The following AK8 variants were observed in gnomAD, a reference collection of about 807,000 sequenced individuals.
AK8 encodes ATP-AMP transphosphorylase 8.
A neutral mutation model predicts 54.6 loss-of-function variants in AK8; 44 were observed. The observed-to-expected ratio is 0.81, with a 90% CI of 0.63 to 1.04. The LOEUF (loss-of-function observed/expected upper bound fraction) is 1.04. Ranked by LOEUF, AK8 falls within the 50% of genes least tolerant of loss-of-function variation. The probability of loss-of-function intolerance (pLI) is 0.00; values close to 1 mark genes in which losing one functional copy is unlikely to be tolerated. For missense variants in AK8, 555 were observed against 613.6 expected, an observed-to-expected ratio of 0.90 and a Z score of 1.01; for synonymous variants, 239 against 245.6, an observed-to-expected ratio of 0.97 and a Z score of 0.25.
chr9:132,826,801 C>T lies in AK8; in HGVS notation c.757+53G>A. The T allele has an allele frequency of 1.3e-5, 20 of 1,576,622 alleles. No homozygotes were observed. The highest frequency in any genetic ancestry group is 6.7e-5 in the East Asian group (3 of 44,698). Reference sequence around the variant, plus strand: ...AGGGACAAAGTGGTAGAAGGCACAGCGAGCCCCGCCCTTGGCCGTCTGTCC... The same window carrying T: ...AGGGACAAAGTGGTAGAAGGCACAGTGAGCCCCGCCCTTGGCCGTCTGTCC... On this transcript the variant is annotated intron_variant, in intron 8 of 12. Transcript: ENST00000298545. This position sits in a 1 kb window ranked among gnomAD's most constrained non-coding sequence, Gnocchi z 4.5.
At chr9:132,858,647 C>T (rs959185227) in intron 4 of AK8, among the ~76,000 whole-genome samples, 17 of 152,212 alleles carry the variant, frequency 1.1e-4, no homozygotes, top group African/African-American at 4.1e-4. Context: ...CTTGAGCTCC[C>T]CTCAGAACTG....
At chr9:132,867,568 T>C (rs1204226079) in intron 2 of AK8, among the ~76,000 whole-genome samples, 1 of 152,228 alleles carries the variant, frequency 6.6e-6, no homozygotes, top group Non-Finnish European at 1.5e-5. Flanking sequence ...AAGAGTGTGA[T>C]ATGAACCACA....
chr9:132,749,583 A>G (rs990860781), intron 11 of AK8, among the ~76,000 whole-genome samples: 1 of 151,764 alleles, frequency 6.6e-6, no homozygotes, highest in Non-Finnish European at 1.5e-5. Flanking sequence ...TCGGCTGGTG[A>G]GTGACCCAGA....
At chr9:132,728,628 C>G (rs993436244) in intron 11 of AK8, among the ~76,000 whole-genome samples, 1 of 152,168 alleles carries the variant, frequency 6.6e-6, no homozygotes, top group African/African-American at 2.4e-5. Context: ...CCTGGGAGTT[C>G]AGGCTCCCTG....
rs373698497 is a variant in AK8, at chr9:132,802,874, G to A, written c.980-10099C>T. The stretch of plus-strand genomic sequence containing the variant: ...AAATCAGGAGCATAATAAACTCAGC[G>A]TCATTTTATGCCATTAAATTGGGGG... On this transcript the variant is annotated intron_variant, in intron 10 of 12. Transcript: ENST00000298545. 1.2e-3 allele frequency among the ~76,000 whole-genome samples: 190 copies of A among 152,272 alleles called. 4 individuals carry two copies. The South Asian group carries it at 0.018, about 15-fold the overall frequency.
chr9:132,800,635 G>A (rs913486315), intron 10 of AK8, among the ~76,000 whole-genome samples: 14 of 152,144 alleles, frequency 9.2e-5, no homozygotes, highest in South Asian at 4.1e-4. Flanking sequence ...GCTTAACAAC[G>A]TTTAAAATTG....
intron 11 of AK8, among the ~76,000 whole-genome samples, chr9:132,774,369 G>C (rs1839115590): frequency 6.6e-6 from 1 of 152,114 alleles, no homozygotes; most frequent in South Asian, 2.1e-4. Context: ...TTCTATTTGT[G>C]GAAGACTTTT....
At chr9:132,796,860 C>T (rs940949015) in intron 10 of AK8, among the ~76,000 whole-genome samples, 1 of 151,586 alleles carries the variant, frequency 6.6e-6, no homozygotes, top group East Asian at 1.9e-4. Context: ...CTCCATGAAT[C>T]GGACTCAAGC....
At position 132,875,178 on chromosome 9, in the gene AK8, T is replaced by A; in HGVS notation, c.106A>T (p.Ile36Phe). ...GGGATGGGATCTTCGGGCTGGTGGA[T>A]CAGGAGTTGCTCCAGCATGTTCTGT... ...LMQNMLEQLL[I>F]HQPEDPIPFM... The change falls in exon 2 of 13, where the codon ATC becomes TTC. Residue 36 changes from isoleucine to phenylalanine, a missense_variant. Physicochemically the swap from Ile to Phe is conservative, Grantham distance 21 (BLOSUM62 0). Transcript: ENST00000298545. 1.9e-6 allele frequency: 3 copies of A among 1,614,118 alleles called. No individual in the cohort carries two copies. The highest frequency in any genetic ancestry group is 2.5e-6 in the Non-Finnish European group (3 of 1,180,010).
chr9:132,730,596 G>C (rs966726408), intron 11 of AK8, among the ~76,000 whole-genome samples: 5 of 152,098 alleles, frequency 3.3e-5, no homozygotes, highest in African/African-American at 1.2e-4. Flanking sequence ...GGATGCCTAT[G>C]CCCCTTGCCC....
chr9:132,751,387 A>C (rs1327942269), intron 11 of AK8, among the ~76,000 whole-genome samples: 1 of 150,730 alleles, frequency 6.6e-6, no homozygotes, highest in African/African-American at 2.4e-5. Context: ...CCAAAAAAAA[A>C]AAAAAAAAAC....
chr9:132,802,893 T>G (rs750205304), intron 10 of AK8, among the ~76,000 whole-genome samples: 1 of 152,040 alleles, frequency 6.6e-6, no homozygotes, highest in African/African-American at 2.4e-5. Context: ...TGCCATTAAA[T>G]TGGGGGGTAG....
rs373885775 is a variant in AK8 at position 132,826,121 on chromosome 9, C to T, written c.757+733G>A. Among the ~76,000 whole-genome samples the T allele has an allele frequency of 7.9e-5, 12 of 152,266 alleles. No homozygotes were observed. Among genetic ancestry groups the T allele is most frequent in the African/African-American group, 2.4e-4 (10 of 41,528 alleles). ...AGAACTGGGCTTGTGGCTGTGGACA[C>T]GTGATTTGGAGAATCCCATTTAATC... On this transcript the variant is annotated intron_variant, in intron 8 of 12. Transcript: ENST00000298545. The surrounding 1 kb of genome is among the most constrained non-coding windows in gnomAD (Gnocchi z 4.5).
At chr9:132,818,739 G>GT (rs1411267170) in intron 9 of AK8, among the ~76,000 whole-genome samples, 1 of 152,056 alleles carries the variant, frequency 6.6e-6, no homozygotes, top group Non-Finnish European at 1.5e-5. Flanking sequence ...TGTAACTTCA[G>GT]TGGGAGGCCG....
At position 132,804,054 on chromosome 9, in the gene AK8, C is replaced by T. The variant is rs182342492; in HGVS notation, c.979+10584G>A. Among the ~76,000 whole-genome samples the T allele has an allele frequency of 2.8e-3, 413 of 146,366 alleles. 3 individuals carry two copies. Among genetic ancestry groups the T allele is most frequent in the African/African-American group, 9.1e-3 (359 of 39,368 alleles). ...CCAGGAGGCGAAAGTTGTAGTGAGCCGAGATCGCGCCACTGCGATCCAGCC... is the reference window on the plus strand; with the variant it reads ...CCAGGAGGCGAAAGTTGTAGTGAGCTGAGATCGCGCCACTGCGATCCAGCC... On this transcript the variant is annotated intron_variant, in intron 10 of 12. Transcript: ENST00000298545.
intron 5 of AK8, among the ~76,000 whole-genome samples, chr9:132,842,823 G>A (rs1051155964): frequency 2.6e-5 from 4 of 152,196 alleles, no homozygotes; most frequent in African/African-American, 9.7e-5. Context: ...TTTCCTTGCT[G>A]CCACATGACT....
upstream of AK8, chr9:132,879,011 A>G (rs974867485): frequency 1.3e-5 from 2 of 154,768 alleles, no homozygotes; most frequent in Admixed American, 1.3e-4. Context: ...TAGGACAAGC[A>G]AGGGTAAACA....
intron 11 of AK8, among the ~76,000 whole-genome samples, chr9:132,759,829 A>G (rs577783612): frequency 6.6e-6 from 1 of 152,350 alleles, no homozygotes; most frequent in Non-Finnish European, 1.5e-5. Context: ...GTTTTAAAAT[A>G]AATAGATATT....
chr9:132,779,789 G>A (rs1021802676), intron 11 of AK8, among the ~76,000 whole-genome samples: 1 of 152,174 alleles, frequency 6.6e-6, no homozygotes, highest in Non-Finnish European at 1.5e-5. Context: ...AAGGATAAAT[G>A]CAATCCCATT....
Sources: allele counts gnomAD v4.1 joint callset (sites outside exome capture counted in the v4.1 genomes callset), GRCh38; gene constraint gnomAD v4.1.1; non-coding constraint Gnocchi (gnomAD v3.1); transcripts MANE v1.5; gene names NCBI Gene and HGNC (gene_info 2026-07-23, HGNC 2026-07-21).